The following SHLD1 variants were observed in gnomAD, a reference collection of about 807,000 sequenced individuals.
SHLD1 encodes RINN1-REV7-interacting novel NHEJ regulator 3.
A neutral mutation model predicts 5.5 loss-of-function variants in SHLD1; 3 were observed. That is an observed-to-expected ratio of 0.54 (90% CI 0.25 to 1.40). The LOEUF (loss-of-function observed/expected upper bound fraction) is 1.40. SHLD1 is among the 40% of genes most tolerant of loss of function. The pLI is 0.15. For missense variants in SHLD1, 210 were observed against 244.4 expected, an observed-to-expected ratio of 0.86 and a Z score of 0.94; for synonymous variants, 92 against 94.3, an observed-to-expected ratio of 0.98 and a Z score of 0.14.
intron 2 of SHLD1, among the ~76,000 whole-genome samples, chr20:5,836,245 A>G (rs750276880): frequency 5.9e-5 from 9 of 152,172 alleles, no homozygotes; most frequent in Non-Finnish European, 1.0e-4. Flanking sequence ...CAGAATCTTC[A>G]GTGTTGAACA....
At chr20:5,838,311 G>A (rs2087814000) in intron 2 of SHLD1, among the ~76,000 whole-genome samples, 1 of 152,192 alleles carries the variant, frequency 6.6e-6, no homozygotes, top group Admixed American at 6.5e-5. Flanking sequence ...AAGCCAAAAG[G>A]AATAGTAAGT....
At chr20:5,776,674 A>G (rs1281062473) in intron 2 of SHLD1, among the ~76,000 whole-genome samples, 1 of 152,168 alleles carries the variant, frequency 6.6e-6, no homozygotes, top group East Asian at 1.9e-4. Context: ...GAGGCAGGAG[A>G]ATCACTTGAA....
Position 5,756,233 on chromosome 20 carries a change from T to C in SHLD1, c.-5+5754T>C, listed in dbSNP as rs73592993. Among the ~76,000 whole-genome samples, 1,098 of 152,072 alleles carry C rather than the reference T, an allele frequency of 7.2e-3. 14 individuals carry two copies. The highest frequency in any genetic ancestry group is 0.025 in the African/African-American group (1,032 of 41,484). ...CGGTAGGCCAAGGTGGGAGGATTGC[T>C]TGGGCCTAGGAGTTTGAGATCAGCC... On this transcript the variant is annotated intron_variant, in intron 1 of 2. Transcript: ENST00000303142.
chr20:5,785,518 A>T (rs781739900), intron 2 of SHLD1, among the ~76,000 whole-genome samples: 3 of 152,148 alleles, frequency 2.0e-5, no homozygotes, highest in Non-Finnish European at 2.9e-5. Flanking sequence ...GCTTTAGGCC[A>T]GGCACGATGT....
At chr20:5,810,014 T>G (rs2087436693) in intron 2 of SHLD1, among the ~76,000 whole-genome samples, 1 of 151,998 alleles carries the variant, frequency 6.6e-6, no homozygotes. Context: ...ATCCCAGCAC[T>G]TTGGGAGGCC....
intron 2 of SHLD1, among the ~76,000 whole-genome samples, chr20:5,812,660 G>T (rs2087475330): frequency 6.6e-6 from 1 of 152,118 alleles, no homozygotes; most frequent in African/African-American, 2.4e-5. Flanking sequence ...CTCACTAAAT[G>T]CAGAGTTCTT....
chr20:5,790,189 T>C (rs1381034563), intron 2 of SHLD1, among the ~76,000 whole-genome samples: 1 of 152,064 alleles, frequency 6.6e-6, no homozygotes, highest in Non-Finnish European at 1.5e-5. Context: ...TCCCACTACC[T>C]CAGACAGCCC....
At chr20:5,831,428 C>T (rs12624412) in intron 2 of SHLD1, among the ~76,000 whole-genome samples, 11 of 152,236 alleles carry the variant, frequency 7.2e-5, no homozygotes, top group African/African-American at 1.4e-4. Context: ...TACTACTTTA[C>T]GTATTTTATT....
intron 2 of SHLD1, among the ~76,000 whole-genome samples, chr20:5,836,095 GT>G (rs11479196): frequency 0.052 from 7,379 of 143,202 alleles, 321 homozygotes; most frequent in East Asian, 0.23. Context: ...ACAACTGGTT[GT>G]TTTTTTTTTT....
intron 2 of SHLD1, among the ~76,000 whole-genome samples, chr20:5,817,437 T>TCTCC (rs2087549924): frequency 9.8e-6 from 1 of 101,620 alleles, no homozygotes; most frequent in Admixed American, 9.5e-5. Context: ...TCTCTCTGTG[T>TCTCC]GTGTGTGTGT....
rs2122242485 is a variant in SHLD1, at chr20:5,772,968, A to C, written c.103A>C (p.Ser35Arg). Residue 35 changes from serine (S) to arginine (R), a missense_variant, in exon 2 of 3, where the codon AGC (serine) becomes CGC (arginine). Ser to Arg is a moderately radical substitution (Grantham distance 110). Coordinates refer to ENST00000303142, the MANE Select transcript of SHLD1 (RefSeq NM_152504.4). Reference sequence around the variant, plus strand: ...AAGAGATTACGTCCTGCAGGGACCCAGCCAAGAAGCCAACAGCGAGGCTTT... The same window carrying C: ...AAGAGATTACGTCCTGCAGGGACCCCGCCAAGAAGCCAACAGCGAGGCTTT... Reference protein sequence around the residue: ...DIRDYVLQGPSQEANSEAFSS... With the variant: ...DIRDYVLQGPRQEANSEAFSS... 5 of 1,614,200 alleles carry C rather than the reference A, an allele frequency of 3.1e-6. No individual in the cohort carries two copies. Among genetic ancestry groups the C allele is most frequent in the Non-Finnish European group, 4.2e-6 (5 of 1,180,026 alleles).
intron 2 of SHLD1, among the ~76,000 whole-genome samples, chr20:5,847,767 C>T (rs1396678400): frequency 6.6e-6 from 1 of 152,130 alleles, no homozygotes; most frequent in African/African-American, 2.4e-5. Flanking sequence ...AACAGGAAAA[C>T]CCAAACACTG....
intron 2 of SHLD1, among the ~76,000 whole-genome samples, chr20:5,813,059 A>T (rs1222781012): frequency 6.6e-6 from 1 of 151,846 alleles, no homozygotes; most frequent in Admixed American, 6.6e-5. Context: ...TATTTTTAGT[A>T]GAGGTGGGGT....
chr20:5,797,929 C>A (rs1033264589), intron 2 of SHLD1, among the ~76,000 whole-genome samples: 1 of 152,132 alleles, frequency 6.6e-6, no homozygotes, highest in Non-Finnish European at 1.5e-5. Context: ...GAATCAGAGG[C>A]CTTGTTTTGG....
At chr20:5,851,155 A>C (rs1191532849) in intron 2 of SHLD1, among the ~76,000 whole-genome samples, 1 of 152,200 alleles carries the variant, frequency 6.6e-6, no homozygotes, top group East Asian at 1.9e-4. Flanking sequence ...TCTTCAGGAA[A>C]GATTATTGGA....
At chr20:5,815,641 A>G (rs1196065102) in intron 2 of SHLD1, among the ~76,000 whole-genome samples, 2 of 152,346 alleles carry the variant, frequency 1.3e-5, no homozygotes, top group African/African-American at 4.8e-5. Context: ...ATCTGGCCCT[A>G]TACAGGAAAA....
At chr20:5,856,556 A>G (rs1210925526) in intron 2 of SHLD1, among the ~76,000 whole-genome samples, 1 of 152,230 alleles carries the variant, frequency 6.6e-6, no homozygotes, top group Non-Finnish European at 1.5e-5. Flanking sequence ...ATGGCCCCTC[A>G]TATACTAAAA....
chr20:5,760,672 G>A (rs1020567512), intron 1 of SHLD1, among the ~76,000 whole-genome samples: 4 of 151,752 alleles, frequency 2.6e-5, no homozygotes, highest in East Asian at 1.9e-4. Flanking sequence ...CAGCCTGGGC[G>A]ACAGAGCGAG....
chr20:5,849,406 A>G (rs1188670575), intron 2 of SHLD1, among the ~76,000 whole-genome samples: 1 of 152,246 alleles, frequency 6.6e-6, no homozygotes, highest in East Asian at 1.9e-4. Flanking sequence ...GGAGTGTCAT[A>G]GGACAAATCC....
Sources: gnomAD v4.1 joint callset for allele counts (sites outside exome capture counted in the v4.1 genomes callset) on GRCh38, gnomAD v4.1.1 for gene constraint, MANE v1.5 for transcripts, NCBI Gene and HGNC (gene_info 2026-07-23, HGNC 2026-07-21) for gene names.